Variants in MDGA2 observed in about 807,000 individuals in gnomAD.
MDGA2 encodes the protein MAM domain containing glycosylphosphatidylinositol anchor 2.
A neutral mutation model predicts 117.8 loss-of-function variants in MDGA2; 40 were observed. That is an observed-to-expected ratio of 0.34 (90% CI 0.26 to 0.44). The LOEUF (loss-of-function observed/expected upper bound fraction) is 0.44, where lower values mean the gene tolerates loss of function less well. Ranked by LOEUF, MDGA2 falls within the 20% of genes least tolerant of loss-of-function variation. The pLI, the probability that MDGA2 is intolerant of heterozygous loss-of-function variation, is 1.00. For missense variants in MDGA2, 1,123 were observed against 1,250.6 expected, an observed-to-expected ratio of 0.90 and a Z score of 1.54; for synonymous variants, 452 against 439.0, an observed-to-expected ratio of 1.03 and a Z score of -0.37.
chr14:47,301,227 T>C lies in MDGA2; in HGVS notation c.420+184A>G, dbSNP rs1054929824. On this transcript the variant is annotated intron_variant, in intron 2 of 16. Coordinates refer to ENST00000399232, the MANE Select transcript of MDGA2 (RefSeq NM_001113498.3). Reference sequence around the variant, plus strand: ...TAGCTCAAGTTTGAATGTTCCGAAATCCACACTCTTGTCCTGCGTTGCACA... The same window carrying C: ...TAGCTCAAGTTTGAATGTTCCGAAACCCACACTCTTGTCCTGCGTTGCACA... 6.6e-5 allele frequency among the ~76,000 whole-genome samples: 10 copies of C among 152,110 alleles called. No homozygotes were observed. The East Asian group carries it at 1.9e-3, about 29-fold the overall frequency.
chr14:47,590,332 T>G (rs1439156572), intron 1 of MDGA2, among the ~76,000 whole-genome samples: 1 of 151,830 alleles, frequency 6.6e-6, no homozygotes, highest in Non-Finnish European at 1.5e-5. Context: ...TTTCAGGAGA[T>G]GTAGTTATCA....
intron 7 of MDGA2, among the ~76,000 whole-genome samples, chr14:47,052,724 G>C (rs145018093): frequency 1.9e-4 from 29 of 151,946 alleles, no homozygotes; most frequent in African/African-American, 4.8e-4. Flanking sequence ...TTCTTGAAAA[G>C]AGGATTCATA....
In MDGA2 at chr14:46,841,269, A is replaced by G. The variant is rs1373196149; in HGVS notation, c.*662T>C. 1 of 152,522 alleles carries G rather than the reference A, an allele frequency of 6.6e-6. No individual in the cohort carries two copies. Among genetic ancestry groups the G allele is most frequent in the East Asian group, 1.9e-4 (1 of 5,178 alleles). The allele number at this position is 152,522 out of a possible 1,614,324, so 9.4% of individuals were successfully genotyped here. A position where few individuals can be genotyped will look rare whatever the true frequency, so the allele number is the denominator to read the frequency against. On this transcript the variant is annotated 3_prime_UTR_variant, in exon 17 of 17. Coordinates refer to ENST00000399232, the MANE Select transcript of MDGA2 (RefSeq NM_001113498.3). ...CCATCCTGGATAGTAGTGCATGCAA[A>G]AAGAGACAGCATACAGTTATCTAGC...
At chr14:47,025,211 G>T (rs1888429587) in intron 8 of MDGA2, among the ~76,000 whole-genome samples, 2 of 152,122 alleles carry the variant, frequency 1.3e-5, no homozygotes, top group South Asian at 2.1e-4. Context: ...TACTGTACAA[G>T]AATTTGACCT....
intron 3 of MDGA2, chr14:47,200,717 T>G (rs2139440970): frequency 1.1e-6 from 1 of 918,008 alleles, no homozygotes; most frequent in South Asian, 1.4e-5. Context: ...CCTCTTCTCC[T>G]GCAGGGTGGC....
chr14:47,461,771 C>T (rs538856208), intron 1 of MDGA2, among the ~76,000 whole-genome samples: 15 of 152,190 alleles, frequency 9.9e-5, no homozygotes, highest in African/African-American at 3.4e-4. Context: ...TTTATTTTTA[C>T]GTGACATGAA....
intron 1 of MDGA2, among the ~76,000 whole-genome samples, chr14:47,595,810 A>C (rs1017810593): frequency 1.3e-5 from 2 of 152,154 alleles, no homozygotes; most frequent in African/African-American, 4.8e-5. Flanking sequence ...CCATAACTCA[A>C]TGTTCTTATA....
At chr14:47,393,093 A>AAATAATAAT (rs10601470) in intron 1 of MDGA2, among the ~76,000 whole-genome samples, 21 of 147,396 alleles carry the variant, frequency 1.4e-4, no homozygotes, top group African/African-American at 4.2e-4. Flanking sequence ...CAGATAATTA[A>AAATAATAAT]AATAATAATA....
chr14:47,056,889 G>GT (rs145366368), intron 7 of MDGA2, among the ~76,000 whole-genome samples: 3,203 of 152,018 alleles, frequency 0.021, 99 homozygotes, highest in African/African-American at 0.074. Context: ...AGTATGTGAA[G>GT]TTTTTTTATT....
At chr14:46,984,984 AT>A (rs1423400558) in intron 8 of MDGA2, among the ~76,000 whole-genome samples, 2 of 151,976 alleles carry the variant, frequency 1.3e-5, no homozygotes, top group African/African-American at 4.8e-5. Context: ...ATATCAGTAC[AT>A]TTTTTTCATA....
chr14:47,553,697 T>C lies in MDGA2; in HGVS notation c.280+120820A>G, dbSNP rs138797903. Among the ~76,000 whole-genome samples, 274 of 152,110 alleles carry C rather than the reference T, an allele frequency of 1.8e-3. 1 individual carries two copies. The highest frequency in any genetic ancestry group is 6.4e-3 in the African/African-American group (265 of 41,516). ...ACTGTAATGTATTTATATATGTGTGTATGTGTATATATACTTATAAAAACA... is the reference window on the plus strand; with the variant it reads ...ACTGTAATGTATTTATATATGTGTGCATGTGTATATATACTTATAAAAACA... On this transcript the variant is annotated intron_variant, in intron 1 of 16. Coordinates refer to ENST00000399232, the MANE Select transcript of MDGA2 (RefSeq NM_001113498.3).
At chr14:47,106,386 G>T (rs1310826231) in intron 5 of MDGA2, among the ~76,000 whole-genome samples, 1 of 151,906 alleles carries the variant, frequency 6.6e-6, no homozygotes, top group Non-Finnish European at 1.5e-5. Flanking sequence ...CAGCACACAA[G>T]AACTTCCAAA....
chr14:47,189,535 A>T (rs1194695272), intron 3 of MDGA2, among the ~76,000 whole-genome samples: 2 of 152,136 alleles, frequency 1.3e-5, no homozygotes, highest in Admixed American at 1.3e-4. Context: ...CTTAAAAAAA[A>T]ATTGAGGTAT....
intron 2 of MDGA2, among the ~76,000 whole-genome samples, chr14:47,246,309 C>A (rs893376568): frequency 2.0e-5 from 3 of 151,726 alleles, no homozygotes; most frequent in Admixed American, 6.6e-5. Flanking sequence ...GTCCTTCCCC[C>A]GATCCTGATC....
intron 8 of MDGA2, among the ~76,000 whole-genome samples, chr14:46,969,601 G>GT (rs1458744312): frequency 6.6e-6 from 1 of 151,340 alleles, no homozygotes; most frequent in African/African-American, 2.4e-5. Context: ...GGGGTTGTTT[G>GT]TTTTTTTCTT....
chr14:47,258,857 A>G (rs1168477347), intron 2 of MDGA2, among the ~76,000 whole-genome samples: 3 of 151,980 alleles, frequency 2.0e-5, no homozygotes, highest in African/African-American at 4.8e-5. Context: ...ATTTGCTCAC[A>G]TAATAAGAAT....
chr14:47,073,864 T>C (rs1486586811), intron 6 of MDGA2, among the ~76,000 whole-genome samples: 1 of 152,184 alleles, frequency 6.6e-6, no homozygotes, highest in Non-Finnish European at 1.5e-5. Flanking sequence ...TCCTTCAAAA[T>C]GTGTTTCTCT....
intron 3 of MDGA2, among the ~76,000 whole-genome samples, chr14:47,180,641 A>C (rs1594701637): frequency 6.6e-6 from 1 of 152,296 alleles, no homozygotes; most frequent in Admixed American, 6.5e-5. Context: ...ATCTCACAGC[A>C]GTCAGAATGG....
chr14:47,191,435 T>TATAG (rs201443497), intron 3 of MDGA2, among the ~76,000 whole-genome samples: 83 of 149,312 alleles, frequency 5.6e-4, no homozygotes, highest in African/African-American at 1.9e-3. Flanking sequence ...TATATATATA[T>TATAG]ATGAAAATTC....
Sources: allele counts gnomAD v4.1 joint callset (sites outside exome capture counted in the v4.1 genomes callset), GRCh38; gene constraint gnomAD v4.1.1; transcripts MANE v1.5; gene names NCBI Gene and HGNC (gene_info 2026-07-23, HGNC 2026-07-21).